The following FOXK2 variants were observed in gnomAD, a reference collection of about 807,000 sequenced individuals.
FOXK2 encodes the protein forkhead box K2, also known as forkhead box protein K2.
A neutral mutation model predicts 53.3 loss-of-function variants in FOXK2; 24 were observed. The observed-to-expected ratio is 0.45, with a 90% CI of 0.33 to 0.63. The LOEUF is 0.63. Among genes scored for constraint, FOXK2 ranks in the 30% least tolerant of loss-of-function variants. The pLI is 0.03. For synonymous variants in FOXK2, 505 were observed against 407.1 expected (o/e 1.24, Z -2.89); for missense variants, 952 against 910.5 (o/e 1.05, Z -0.59).
intron 8 of FOXK2, chr17:82,587,695 C>T (rs1019075284): frequency 7.2e-6 from 2 of 277,338 alleles, no homozygotes; most frequent in South Asian, 4.0e-5. Context: ...CCGTCCGAGG[C>T]CGGTGCACAG....
intron 1 of FOXK2, among the ~76,000 whole-genome samples, chr17:82,530,667 G>A (rs1311044830): frequency 6.6e-6 from 1 of 151,700 alleles, no homozygotes; most frequent in African/African-American, 2.4e-5. Flanking sequence ...CCACCACCAC[G>A]CTCTGCTAAT....
intron 4 of FOXK2, among the ~76,000 whole-genome samples, chr17:82,579,994 C>T (rs1179368308): frequency 1.6e-5 from 2 of 123,086 alleles, no homozygotes; most frequent in Non-Finnish European, 1.7e-5. Context: ...CAGATCCCTC[C>T]CACACATGGC....
intron 5 of FOXK2, 88 bp from the exon 6 acceptor site, chr17:82,583,925 C>A: frequency 1.5e-6 from 2 of 1,364,950 alleles, no homozygotes; most frequent in East Asian, 4.9e-5. Flanking sequence ...AAATGACACC[C>A]CCTTTGCAAA....
chr17:82,585,510 G>T (rs539152600), intron 6 of FOXK2, among the ~76,000 whole-genome samples: 1 of 152,022 alleles, frequency 6.6e-6, no homozygotes, highest in South Asian at 2.1e-4. Context: ...GTAGAGACAG[G>T]GTCTCCCTAT....
intron 1 of FOXK2, among the ~76,000 whole-genome samples, chr17:82,548,611 A>C (rs188120936): frequency 6.6e-6 from 1 of 152,278 alleles, no homozygotes; most frequent in Admixed American, 6.5e-5. Flanking sequence ...TATTTCATAT[A>C]TTCAAATATT....
At chr17:82,572,108 T>G in intron 4 of FOXK2, 1 of 376,988 alleles carries the variant, frequency 2.7e-6, no homozygotes, top group South Asian at 1.1e-4. Context: ...GCTTTACTGT[T>G]GTGGAAATTC....
At chr17:82,548,691 TAGC>T (rs1223539329) in intron 1 of FOXK2, among the ~76,000 whole-genome samples, 2 of 152,172 alleles carry the variant, frequency 1.3e-5, no homozygotes, top group Non-Finnish European at 1.5e-5. Context: ...TCAGCTGAAT[TAGC>T]AGAAGGAATT....
rs540368372 is a variant in FOXK2, at chr17:82,556,799, C to T, written c.420-6555C>T. Among the ~76,000 whole-genome samples the T allele has an allele frequency of 3.6e-3, 553 of 152,018 alleles. 2 individuals carry two copies. The highest frequency in any genetic ancestry group is 5.6e-3 in the Non-Finnish European group (378 of 67,982). ...GCAGCCTCCACCTCCTGGGTTCAAG[C>T]GATTCTTCAGCCTCAGCCTCAGCCT... is the stretch of plus-strand genomic sequence containing the variant. On this transcript the variant is annotated intron_variant, in intron 1 of 8. Coordinates refer to ENST00000335255, the MANE Select transcript of FOXK2 (RefSeq NM_004514.4).
intron 8 of FOXK2, among the ~76,000 whole-genome samples, chr17:82,587,887 G>A (rs1374336738): frequency 6.6e-6 from 1 of 152,196 alleles, no homozygotes; most frequent in African/African-American, 2.4e-5. Flanking sequence ...CTCTGGGTTG[G>A]GTACATGTGG....
At chr17:82,551,065 C>G (rs2044672110) in intron 1 of FOXK2, among the ~76,000 whole-genome samples, 1 of 152,104 alleles carries the variant, frequency 6.6e-6, no homozygotes, top group South Asian at 2.1e-4. Context: ...CGCCTGTCAT[C>G]CCAGCACTTT....
chr17:82,591,858 T>C (rs2045256400), intron 8 of FOXK2, among the ~76,000 whole-genome samples: 1 of 152,186 alleles, frequency 6.6e-6, no homozygotes, highest in Non-Finnish European at 1.5e-5. Flanking sequence ...GCGCTGTTTC[T>C]GGTTTACTGG....
intron 8 of FOXK2, among the ~76,000 whole-genome samples, chr17:82,587,728 A>T (rs946561038): frequency 6.6e-6 from 1 of 152,190 alleles, no homozygotes; most frequent in African/African-American, 2.4e-5. Context: ...ATGTTCTGAC[A>T]TTGACAAGTG....
intron 1 of FOXK2, among the ~76,000 whole-genome samples, chr17:82,523,744 T>A (rs2044390085): frequency 6.6e-6 from 1 of 152,148 alleles, no homozygotes. Flanking sequence ...CCCAAAGTGC[T>A]GGGATTACAG....
At chr17:82,576,729 AC>A in intron 4 of FOXK2, 1 of 845,472 alleles carries the variant, frequency 1.2e-6, no homozygotes. Flanking sequence ...GTAGTCCAAA[AC>A]CGTGAACGTA....
chr17:82,572,339 C>T (rs1167066847), intron 4 of FOXK2, among the ~76,000 whole-genome samples: 3 of 152,234 alleles, frequency 2.0e-5, no homozygotes, highest in Non-Finnish European at 4.4e-5. Flanking sequence ...TAGAAGACAT[C>T]TTAACCAGTT....
At chr17:82,593,238 G>T (rs944762179) in intron 8 of FOXK2, among the ~76,000 whole-genome samples, 1 of 151,652 alleles carries the variant, frequency 6.6e-6, no homozygotes, top group Non-Finnish European at 1.5e-5. Context: ...ACCCAGTGAA[G>T]GTCTCCCTGT....
intron 8 of FOXK2, among the ~76,000 whole-genome samples, chr17:82,598,633 T>A (rs909473424): frequency 6.6e-6 from 1 of 152,228 alleles, no homozygotes; most frequent in Non-Finnish European, 1.5e-5. Context: ...ACTCCTGGAA[T>A]CATGAGCCTG....
chr17:82,552,700 A>G (rs1297667629), intron 1 of FOXK2, among the ~76,000 whole-genome samples: 4 of 152,172 alleles, frequency 2.6e-5, no homozygotes, highest in Non-Finnish European at 4.4e-5. Context: ...CTCTCAGGGC[A>G]CCATGGCCGT....
chr17:82,577,093 C>G (rs80232322), intron 4 of FOXK2: 2 of 476,466 alleles, frequency 4.2e-6, no homozygotes, highest in East Asian at 4.0e-5. Context: ...ACCCACATGG[C>G]GGAGACTGCG....
Sources: allele counts gnomAD v4.1 joint callset (sites outside exome capture counted in the v4.1 genomes callset), GRCh38; gene constraint gnomAD v4.1.1; transcripts MANE v1.5; gene names NCBI Gene and HGNC (gene_info 2026-07-23, HGNC 2026-07-21).